The following SAMD3 variants were observed in gnomAD, a reference collection of about 807,000 sequenced individuals.
SAMD3 encodes sterile alpha motif domain containing 3.
A neutral mutation model predicts 58.5 loss-of-function variants in SAMD3; 63 were observed. That is an observed-to-expected ratio of 1.08 (90% CI 0.88 to 1.33). The LOEUF (loss-of-function observed/expected upper bound fraction) is 1.33, where lower values mean the gene tolerates loss of function less well. SAMD3 is among the 40% of genes most tolerant of loss of function. The pLI, the probability that SAMD3 is intolerant of heterozygous loss-of-function variation, is 0.00. For synonymous variants in SAMD3, 220 were observed against 210.3 expected (o/e 1.05, Z -0.40); for missense variants, 604 against 608.4 (o/e 0.99, Z 0.08).
intron 7 of SAMD3, among the ~76,000 whole-genome samples, chr6:130,177,817 G>A (rs893397291): frequency 4.6e-5 from 7 of 152,102 alleles, no homozygotes; most frequent in African/African-American, 7.2e-5. Flanking sequence ...AGCCCAGCAC[G>A]GTGCTTCATG....
intron 9 of SAMD3, among the ~76,000 whole-genome samples, chr6:130,149,695 AC>A (rs1788961963): frequency 6.6e-6 from 1 of 152,128 alleles, no homozygotes; most frequent in South Asian, 2.1e-4. Context: ...GGAACAATAG[AC>A]CCCGGAGTCC....
chr6:130,339,270 A>G (rs1004944804), intron 1 of SAMD3, among the ~76,000 whole-genome samples: 1 of 152,042 alleles, frequency 6.6e-6, no homozygotes, highest in Non-Finnish European at 1.5e-5. Context: ...GATGGTCTCG[A>G]TCCCCTGACC....
At chr6:130,198,406 G>C (rs553802483) in intron 5 of SAMD3, among the ~76,000 whole-genome samples, 4 of 152,228 alleles carry the variant, frequency 2.6e-5, no homozygotes, top group East Asian at 3.9e-4. Flanking sequence ...ATGAGGTCTT[G>C]CTATGTTGCC....
At chr6:130,309,450 A>G (rs1475412548) in intron 2 of SAMD3, among the ~76,000 whole-genome samples, 1 of 152,200 alleles carries the variant, frequency 6.6e-6, no homozygotes, top group Non-Finnish European at 1.5e-5. Context: ...AATAAATTGT[A>G]GCTACTGTTC....
At chr6:130,195,874 G>A (rs1018070665) in intron 5 of SAMD3, among the ~76,000 whole-genome samples, 1 of 152,012 alleles carries the variant, frequency 6.6e-6, no homozygotes, top group African/African-American at 2.4e-5. Context: ...AGATACTTTC[G>A]ACTTTAGATA....
In SAMD3 at chr6:130,358,006, A is replaced by G. The variant is rs567038479; in HGVS notation, c.-304+7114T>C. ...AAGGAAATACTAAATTAGGTATAAGACTAGTGAGTAGAGTTAATTTCTCTC... is the reference window on the plus strand; with the variant it reads ...AAGGAAATACTAAATTAGGTATAAGGCTAGTGAGTAGAGTTAATTTCTCTC... On this transcript the variant is annotated intron_variant, in intron 1 of 13. Coordinates refer to the SAMD3 transcript ENST00000368134. Among the ~76,000 whole-genome samples, 12 of 152,344 alleles carry G rather than the reference A, an allele frequency of 7.9e-5. No individual in the cohort carries two copies. The East Asian group carries it at 1.4e-3, about 17-fold the overall frequency.
At chr6:130,280,880 A>C (rs1046903104) in intron 2 of SAMD3, among the ~76,000 whole-genome samples, 1 of 152,214 alleles carries the variant, frequency 6.6e-6, no homozygotes, top group Non-Finnish European at 1.5e-5. Context: ...AAATGTTCAC[A>C]TTAAAAATGT....
At chr6:130,157,100 TAAATAAATAAATA>T (rs1789857634) in intron 8 of SAMD3, among the ~76,000 whole-genome samples, 1 of 149,392 alleles carries the variant, frequency 6.7e-6, no homozygotes, top group African/African-American at 2.5e-5. Flanking sequence ...AATAAATAAA[TAAATAAATAAATA>T]AATAATAAAA....
chr6:130,181,186 A>G (rs1241180001), intron 7 of SAMD3, among the ~76,000 whole-genome samples: 2 of 152,000 alleles, frequency 1.3e-5, no homozygotes, highest in Non-Finnish European at 1.5e-5. Flanking sequence ...ACCTCAGGTG[A>G]TCTGCCCGCC....
At chr6:130,213,114 T>TAAA (rs1795706630) in intron 4 of SAMD3, among the ~76,000 whole-genome samples, 1 of 151,970 alleles carries the variant, frequency 6.6e-6, no homozygotes, top group Non-Finnish European at 1.5e-5. Context: ...GAAACCACCA[T>TAAA]TTGTTTAAAA....
At chr6:130,344,017 C>G (rs1417026558) in intron 1 of SAMD3, among the ~76,000 whole-genome samples, 1 of 151,702 alleles carries the variant, frequency 6.6e-6, no homozygotes, top group Non-Finnish European at 1.5e-5. Context: ...CTCAATAACC[C>G]CCATAAGAGA....
chr6:130,199,922 G>A (rs1794484305), intron 5 of SAMD3, among the ~76,000 whole-genome samples: 1 of 152,082 alleles, frequency 6.6e-6, no homozygotes, highest in South Asian at 2.1e-4. Flanking sequence ...GGAATTACAT[G>A]TCTGAAATGC....
At chr6:130,348,458 A>G (rs1219359411) in intron 1 of SAMD3, among the ~76,000 whole-genome samples, 8 of 152,324 alleles carry the variant, frequency 5.3e-5, no homozygotes, top group Non-Finnish European at 8.8e-5. Flanking sequence ...CTTTAAACCA[A>G]CAAAGATCAA....
chr6:130,349,202 A>G (rs1167469768), intron 1 of SAMD3, among the ~76,000 whole-genome samples: 2 of 152,264 alleles, frequency 1.3e-5, no homozygotes, highest in African/African-American at 4.8e-5. Context: ...TTCAAAAGCT[A>G]TCAGAAGGCA....
At chr6:130,209,413 T>C (rs1795346746) in intron 5 of SAMD3, 82 bp downstream of exon 5, 1 of 690,560 alleles carries the variant, frequency 1.4e-6, no homozygotes, top group Non-Finnish European at 2.4e-6. Flanking sequence ...TAGAAATACA[T>C]CTAAACATAT....
chr6:130,201,473 C>A (rs1582904138), intron 5 of SAMD3, among the ~76,000 whole-genome samples: 1 of 152,188 alleles, frequency 6.6e-6, no homozygotes, highest in Admixed American at 6.5e-5. Flanking sequence ...AAATCAGAGT[C>A]TGTGTTTTAA....
intron 2 of SAMD3, among the ~76,000 whole-genome samples, chr6:130,285,433 A>C (rs1427107506): frequency 6.6e-6 from 1 of 152,316 alleles, no homozygotes; most frequent in East Asian, 1.9e-4. Context: ...GAGGGAAGTA[A>C]GGAGAGCTCT....
chr6:130,347,882 G>A (rs1048261247), intron 1 of SAMD3, among the ~76,000 whole-genome samples: 13 of 152,308 alleles, frequency 8.5e-5, no homozygotes, highest in East Asian at 1.9e-4. Flanking sequence ...TGATCTCTCC[G>A]CAGAAACTCT....
chr6:130,155,934 G>A (rs556641587), intron 8 of SAMD3, among the ~76,000 whole-genome samples: 277 of 152,266 alleles, frequency 1.8e-3, no homozygotes, highest in Non-Finnish European at 2.8e-3. Context: ...TTAGTTGGAA[G>A]ATAAAAGTCT....
Sources: allele counts gnomAD v4.1 joint callset (sites outside exome capture counted in the v4.1 genomes callset), GRCh38; gene constraint gnomAD v4.1.1; transcripts MANE v1.5; gene names NCBI Gene and HGNC (gene_info 2026-07-23, HGNC 2026-07-21).